The following C21orf58 variants were observed in gnomAD, a reference collection of about 807,000 sequenced individuals.
C21orf58 encodes uncharacterized protein C21orf58.
Under a neutral mutation model 35.8 loss-of-function variants are expected in C21orf58, and 34 were observed. The observed-to-expected ratio is 0.95, with a 90% confidence interval of 0.72 to 1.26. The LOEUF (loss-of-function observed/expected upper bound fraction) is 1.26, where lower values mean the gene tolerates loss of function less well. Among genes scored for constraint, C21orf58 ranks in the 50% most tolerant of loss-of-function variants. The pLI, the probability that C21orf58 is intolerant of heterozygous loss-of-function variation, is 0.00. For synonymous variants in C21orf58, 191 were observed against 175.8 expected, an observed-to-expected ratio of 1.09 and a Z score of -0.68; for missense variants, 440 against 414.3, an observed-to-expected ratio of 1.06 and a Z score of -0.54.
In C21orf58 at chr21:46,322,641, C is replaced by T. The variant is rs759348032; in HGVS notation, c.98G>A (p.Cys33Tyr). The change falls in exon 1 of 8, where the codon TGT becomes TAT. Residue 33 changes from cysteine (C) to tyrosine (Y), a missense_variant and splice_region_variant. Transcript: ENST00000291691. ...AGACCGCTGGACACCCCGCTCACCA[C>T]ACAGAAGACTGTGGCCTGAGTCAGG... is the stretch of plus-strand genomic sequence containing the variant. The part of the protein sequence containing the change: ...PSPDSGHSLL[C>Y]GWSPGGKARP... 6 of 1,575,632 alleles carry T rather than the reference C, an allele frequency of 3.8e-6. No homozygotes were observed. The Admixed American group carries it at 7.4e-5, about 19-fold the overall frequency.
At chr21:46,312,770 T>TGGGGCAGACCCGTGGGTA (rs2082794728) in intron 5 of C21orf58, among the ~76,000 whole-genome samples, 1 of 152,202 alleles carries the variant, frequency 6.6e-6, no homozygotes, top group Non-Finnish European at 1.5e-5. Flanking sequence ...GTTGAGCATC[T>TGGGGCAGACCCGTGGGTA]GGGGCAGACC....
chr21:46,310,819 C>A (rs916608978), intron 6 of C21orf58, among the ~76,000 whole-genome samples: 14 of 150,976 alleles, frequency 9.3e-5, no homozygotes, highest in African/African-American at 1.5e-4. Context: ...CTCTCTCTCT[C>A]TAAATAAATA....
intron 6 of C21orf58, among the ~76,000 whole-genome samples, chr21:46,303,677 TACAC>T (rs142762284): frequency 0.18 from 5,759 of 31,934 alleles, 870 homozygotes; most frequent in African/African-American, 0.25. Flanking sequence ...ACCTCATCTC[TACAC>T]ACACACACAC....
intron 6 of C21orf58, among the ~76,000 whole-genome samples, chr21:46,308,325 G>A (rs1414394275): frequency 6.6e-6 from 1 of 152,024 alleles, no homozygotes; most frequent in African/African-American, 2.4e-5. Context: ...GCCGGGCGTG[G>A]TGGCACATGC....
rs554943479 is a variant in C21orf58, at chr21:46,323,098, T to C, written c.-360A>G. The C allele has an allele frequency of 4.8e-4, 78 of 161,700 alleles. No individual in the cohort carries two copies. The highest frequency in any genetic ancestry group is 1.7e-3 in the African/African-American group (73 of 42,010). 10.0% of individuals were successfully genotyped at this position (161,700 alleles called of 1,614,324 possible). On this transcript the variant is annotated 5_prime_UTR_variant, in exon 1 of 8. Transcript: ENST00000291691. ...GGTCACCGGCCCTGTCTTGGTTTTTTGCCACTTCGCTCCAGTTAGTTTCCC... is the reference window on the plus strand; with the variant it reads ...GGTCACCGGCCCTGTCTTGGTTTTTCGCCACTTCGCTCCAGTTAGTTTCCC...
intron 2 of C21orf58, 47 bp downstream of exon 2, chr21:46,317,948 GAGTCCCTCCAACGCCAC>G: frequency 6.4e-7 from 1 of 1,569,546 alleles, no homozygotes. Flanking sequence ...CTGTCTCGAA[GAGTCCCTCCAACGCCAC>G]AGCCTGCGAG....
At chr21:46,308,460 CA>C (rs992903772) in intron 6 of C21orf58, among the ~76,000 whole-genome samples, 2 of 149,868 alleles carry the variant, frequency 1.3e-5, no homozygotes, top group Non-Finnish European at 1.5e-5. Flanking sequence ...GACTCCATCT[CA>C]AAAAAAAAGA....
intron 6 of C21orf58, among the ~76,000 whole-genome samples, chr21:46,309,673 A>C (rs1220109882): frequency 3.3e-5 from 5 of 151,890 alleles, no homozygotes; most frequent in African/African-American, 1.2e-4. Context: ...AAAAAAGAGT[A>C]CATACTGTGT....
At position 46,301,440 on chromosome 21, in the gene C21orf58, C is replaced by T. The variant is rs2145874831; in HGVS notation, c.*559G>A. 7 of 976,184 alleles carry T rather than the reference C, an allele frequency of 7.2e-6. No homozygotes were observed. The South Asian group carries it at 2.9e-4, about 40-fold the overall frequency. 60.5% of individuals were successfully genotyped at this position (976,184 alleles called of 1,614,324 possible). Reference sequence around the variant, plus strand: ...GGGATTACAGGCATGAGCCATGCACCCCTACTTCTTTAGTGGGAGTCTGTG... The same window carrying T: ...GGGATTACAGGCATGAGCCATGCACTCCTACTTCTTTAGTGGGAGTCTGTG... On this transcript the variant is annotated 3_prime_UTR_variant, in exon 8 of 8. Coordinates refer to ENST00000291691, the MANE Select transcript of C21orf58 (RefSeq NM_058180.5).
chr21:46,307,487 T>C (rs940574151), intron 6 of C21orf58, among the ~76,000 whole-genome samples: 1 of 152,144 alleles, frequency 6.6e-6, no homozygotes, highest in African/African-American at 2.4e-5. Flanking sequence ...TTTTAGCACC[T>C]GACAGACTAT....
chr21:46,317,155 TG>T, intron 3 of C21orf58, 52 bp downstream of exon 3: 1 of 1,560,276 alleles, frequency 6.4e-7, no homozygotes, highest in Non-Finnish European at 8.7e-7. Context: ...CCCCCTGGAG[TG>T]GCTACACTTG....
downstream of C21orf58, chr21:46,300,483 C>T (rs540473804): frequency 3.2e-4 from 80 of 251,764 alleles, no homozygotes; most frequent in Non-Finnish European, 5.3e-4. Flanking sequence ...GGAAAGTCAC[C>T]TTGAAAAGAG....
chr21:46,312,543 T>C (rs2082780516), intron 5 of C21orf58, among the ~76,000 whole-genome samples: 1 of 152,002 alleles, frequency 6.6e-6, no homozygotes, highest in Non-Finnish European at 1.5e-5. Flanking sequence ...GGTCTCGAAC[T>C]CCTGACCTCA....
At chr21:46,321,463 C>G (rs1569141724) in intron 1 of C21orf58, among the ~76,000 whole-genome samples, 1 of 152,208 alleles carries the variant, frequency 6.6e-6, no homozygotes, top group Non-Finnish European at 1.5e-5. Flanking sequence ...AATGTGGTAT[C>G]CATCAGAACA....
intron 2 of C21orf58, 74 bp downstream of exon 2, chr21:46,317,938 C>A: frequency 6.6e-7 from 1 of 1,519,330 alleles, no homozygotes; most frequent in South Asian, 1.2e-5. Context: ...ACCTGCAGGG[C>A]TGTCTCGAAG....
chr21:46,313,728 G>A (rs1269722002), intron 5 of C21orf58, among the ~76,000 whole-genome samples: 2 of 152,200 alleles, frequency 1.3e-5, no homozygotes, highest in Non-Finnish European at 2.9e-5. Context: ...ATCTGCAGAG[G>A]AGGGTCTGGG....
intron 1 of C21orf58, chr21:46,318,656 G>A: frequency 9.3e-7 from 1 of 1,075,166 alleles, no homozygotes; most frequent in Non-Finnish European, 1.1e-6. Context: ...GACAGGGTGA[G>A]GAGACTGCCT....
rs188370476 is a variant in C21orf58, at chr21:46,308,418, G to A, written c.721+3038C>T. On this transcript the variant is annotated intron_variant, in intron 6 of 7. Coordinates refer to ENST00000291691, the MANE Select transcript of C21orf58 (RefSeq NM_058180.5). The stretch of plus-strand genomic sequence containing the variant: ...AGAGGCCGCGGTGAGCCGGGATCAC[G>A]ACACTGCACTCCAGCCTGGGCAAAA... Among the ~76,000 whole-genome samples the A allele has an allele frequency of 3.6e-4, 55 of 152,060 alleles. 1 individual carries two copies. In the East Asian group the frequency reaches 4.9e-3, roughly 14 times the overall value.
chr21:46,306,380 T>C (rs542385945), intron 6 of C21orf58, among the ~76,000 whole-genome samples: 2 of 152,070 alleles, frequency 1.3e-5, no homozygotes, highest in African/African-American at 4.8e-5. Flanking sequence ...ACGCCTGTAG[T>C]CCCAGCTACT....
Sources: gnomAD v4.1 joint callset for allele counts (sites outside exome capture counted in the v4.1 genomes callset) on GRCh38, gnomAD v4.1.1 for gene constraint, MANE v1.5 for transcripts, NCBI Gene and HGNC (gene_info 2026-07-23, HGNC 2026-07-21) for gene names.